HNF4G: variants seen among roughly 807,000 people sequenced by gnomAD.
HNF4G encodes the protein hepatocyte nuclear factor 4 gamma, also known as hepatocyte nuclear factor 4-gamma.
A neutral mutation model predicts 50.9 loss-of-function variants in HNF4G; 21 were observed. The observed-to-expected ratio is 0.41, with a 90% CI of 0.29 to 0.59. HNF4G has a LOEUF of 0.59. HNF4G is among the 20% of genes least tolerant of loss of function. HNF4G has a pLI of 0.26. For synonymous variants in HNF4G, 198 were observed against 185.6 expected (o/e 1.07, Z -0.54); for missense variants, 527 against 559.4 (o/e 0.94, Z 0.58).
At position 75,551,490 on chromosome 8, in the gene HNF4G, G is replaced by T. The variant is rs779544230; in HGVS notation, c.485G>T (p.Arg162Leu). The change falls in exon 4 of 10, where the codon CGC (arginine) becomes CTC (leucine). Residue 162 changes from arginine (R) to leucine (L), a missense_variant. Around this residue, in one of 5 missense-constraint regions of HNF4G, gnomAD observed 128 missense variants for 135.3 expected, o/e 0.95. Coordinates refer to ENST00000396423, the MANE Select transcript of HNF4G (RefSeq NM_004133.5). ...NTLAQAEVRS[R>L]QISVSSPGSS... ...CTGGCACAAGCTGAAGTTCGGTCTC[G>T]CCAGGTACCTGTGGCACGGCAGCAT... 4.4e-6 allele frequency: 7 copies of T among 1,586,038 alleles called. 1 individual carries two copies. The South Asian group carries it at 5.5e-5, about 13-fold the overall frequency.
intron 2 of HNF4G, among the ~76,000 whole-genome samples, chr8:75,507,599 T>C (rs1805630237): frequency 6.6e-6 from 1 of 152,240 alleles, no homozygotes. Context: ...TAAAGTTTAC[T>C]ATATTTTTCA....
At chr8:75,495,011 A>G (rs973797552) in intron 2 of HNF4G, among the ~76,000 whole-genome samples, 2 of 152,190 alleles carry the variant, frequency 1.3e-5, no homozygotes, top group East Asian at 3.9e-4. Flanking sequence ...CCAGTAGTAC[A>G]CTGGTATATC....
At chr8:75,530,589 A>G (rs1449676646) in intron 2 of HNF4G, among the ~76,000 whole-genome samples, 1 of 152,146 alleles carries the variant, frequency 6.6e-6, no homozygotes, top group African/African-American at 2.4e-5. Flanking sequence ...TTAGGTTTAA[A>G]TCATTTTCTA....
At chr8:75,517,201 G>A (rs1805911982) in intron 2 of HNF4G, among the ~76,000 whole-genome samples, 1 of 152,134 alleles carries the variant, frequency 6.6e-6, no homozygotes, top group Admixed American at 6.5e-5. Context: ...CATTACATAT[G>A]GGAATTATGG....
chr8:75,435,814 G>A (rs1468615538), intron 1 of HNF4G, among the ~76,000 whole-genome samples: 1 of 151,948 alleles, frequency 6.6e-6, no homozygotes, highest in African/African-American at 2.4e-5. Context: ...GGCTAGTCTC[G>A]AGCTCCTGAC....
intron 1 of HNF4G, among the ~76,000 whole-genome samples, chr8:75,409,360 T>C (rs1810439078): frequency 6.6e-6 from 1 of 152,062 alleles, no homozygotes; most frequent in African/African-American, 2.4e-5. Context: ...TCACAAATAT[T>C]GCATTTTTAA....
At chr8:75,505,031 A>G (rs1303277754) in intron 2 of HNF4G, among the ~76,000 whole-genome samples, 4 of 152,162 alleles carry the variant, frequency 2.6e-5, no homozygotes, top group East Asian at 1.9e-4. Context: ...GATATGCTCA[A>G]TTTTTAACAC....
At chr8:75,522,935 C>A (rs1806084785) in intron 2 of HNF4G, among the ~76,000 whole-genome samples, 1 of 151,994 alleles carries the variant, frequency 6.6e-6, no homozygotes, top group Admixed American at 6.6e-5. Context: ...ATCAGAAAGA[C>A]CATTTTTGAG....
At chr8:75,413,218 G>A (rs1227950755) in intron 1 of HNF4G, among the ~76,000 whole-genome samples, 1 of 148,668 alleles carries the variant, frequency 6.7e-6, no homozygotes, top group Non-Finnish European at 1.5e-5. Context: ...GTTGAGTTAA[G>A]ATTTTTTTTC....
At chr8:75,447,501 C>G (rs1158490181) in intron 1 of HNF4G, among the ~76,000 whole-genome samples, 1 of 144,194 alleles carries the variant, frequency 6.9e-6, no homozygotes, top group Non-Finnish European at 1.5e-5. Flanking sequence ...AGGCAACCTA[C>G]AACATGGGAG....
At chr8:75,473,740 G>A (rs548357383) in intron 1 of HNF4G, among the ~76,000 whole-genome samples, 1 of 152,110 alleles carries the variant, frequency 6.6e-6, no homozygotes, top group Non-Finnish European at 1.5e-5. Flanking sequence ...GATTGGAACT[G>A]GGGGGAGTAG....
intron 2 of HNF4G, among the ~76,000 whole-genome samples, chr8:75,510,409 T>C (rs1805718852): frequency 6.6e-6 from 1 of 152,186 alleles, no homozygotes; most frequent in African/African-American, 2.4e-5. Flanking sequence ...AAGTCTGCAA[T>C]AGTGTATCGT....
At chr8:75,440,520 T>A (rs1585844763) in intron 1 of HNF4G, among the ~76,000 whole-genome samples, 1 of 152,242 alleles carries the variant, frequency 6.6e-6, no homozygotes, top group Non-Finnish European at 1.5e-5. Context: ...CCAGCAATTA[T>A]GGCTAAAAAA....
In HNF4G at chr8:75,543,983, C is replaced by T; in HGVS notation, c.287+4C>T. 1 of 1,562,056 alleles carries T rather than the reference C, an allele frequency of 6.4e-7. No homozygotes were observed. Among genetic ancestry groups the T allele is most frequent in the Non-Finnish European group, 8.7e-7 (1 of 1,150,312 alleles). ...AGAGTCACGTTTATTCTTGCAGGTA[C>T]TTTAAATGCCCTTTTAGGCAAGTTA... On this transcript the variant is annotated splice_donor_region_variant and intron_variant, in intron 2 of 9. Coordinates refer to ENST00000396423, the MANE Select transcript of HNF4G (RefSeq NM_004133.5).
At chr8:75,491,612 A>T (rs1390816409) in intron 2 of HNF4G, among the ~76,000 whole-genome samples, 1 of 151,898 alleles carries the variant, frequency 6.6e-6, no homozygotes, top group Non-Finnish European at 1.5e-5. Flanking sequence ...AAGTAGCGGG[A>T]TTACAGGCAC....
chr8:75,484,767 T>C (rs753581055), intron 1 of HNF4G, among the ~76,000 whole-genome samples: 2 of 152,242 alleles, frequency 1.3e-5, no homozygotes, highest in Middle Eastern at 3.2e-3. Context: ...ATGAGCTCAG[T>C]AAACATTTGT....
intron 1 of HNF4G, among the ~76,000 whole-genome samples, chr8:75,413,815 G>A (rs554604607): frequency 5.3e-5 from 8 of 151,922 alleles, no homozygotes; most frequent in Non-Finnish European, 1.0e-4. Flanking sequence ...CGAGATTCTA[G>A]CATTACACTC....
intron 2 of HNF4G, among the ~76,000 whole-genome samples, chr8:75,502,039 G>T (rs1812941614): frequency 6.6e-6 from 1 of 152,026 alleles, no homozygotes. Context: ...TTTTAGTAGA[G>T]ACGAGGTTTC....
At chr8:75,464,962 C>A (rs1811933792) in intron 1 of HNF4G, among the ~76,000 whole-genome samples, 1 of 152,054 alleles carries the variant, frequency 6.6e-6, no homozygotes, top group African/African-American at 2.4e-5. Flanking sequence ...GGGTGGTAAA[C>A]CTTGTTTTCT....
Sources: allele counts gnomAD v4.1 joint callset (sites outside exome capture counted in the v4.1 genomes callset), GRCh38; gene constraint gnomAD v4.1.1; regional missense constraint gnomAD v4.1.1; transcripts MANE v1.5; gene names NCBI Gene and HGNC (gene_info 2026-07-23, HGNC 2026-07-21).